The following DNAH14 variants were observed in gnomAD, a reference collection of about 807,000 sequenced individuals.
DNAH14 encodes dynein axonemal heavy chain 14.
DNAH14 carries 478 observed loss-of-function variants against 520.9 expected under a neutral mutation model. The ratio of observed to expected loss-of-function variants is 0.92; its 90% CI spans 0.85 to 0.99. DNAH14 has a LOEUF of 0.99. Among genes scored for constraint, DNAH14 ranks in the 50% least tolerant of loss-of-function variants. The probability of loss-of-function intolerance (pLI) is 0.00; values close to 1 mark genes in which losing one functional copy is unlikely to be tolerated. For synonymous variants in DNAH14, 1,581 were observed against 1,757.2 expected, an observed-to-expected ratio of 0.90 and a Z score of 2.51; for missense variants, 4,831 against 5,234.5, an observed-to-expected ratio of 0.92 and a Z score of 2.38.
intron 4 of DNAH14, among the ~76,000 whole-genome samples, chr1:224,962,374 C>A (rs1366748649): frequency 6.6e-6 from 1 of 152,146 alleles, no homozygotes; most frequent in Non-Finnish European, 1.5e-5. Context: ...ATCAGATATA[C>A]CCTTAAGAGA....
At chr1:225,121,139 AAAT>A (rs2077256297) in intron 26 of DNAH14, among the ~76,000 whole-genome samples, 1 of 152,182 alleles carries the variant, frequency 6.6e-6, no homozygotes, top group South Asian at 2.1e-4. Context: ...TTTAATTGAG[AAAT>A]AATAATTGTA....
intron 41 of DNAH14, among the ~76,000 whole-genome samples, chr1:225,215,046 G>A (rs2089089998): frequency 1.3e-5 from 2 of 152,134 alleles, no homozygotes; most frequent in South Asian, 4.1e-4. Context: ...TGGTCATTTA[G>A]TACTATAAAT....
At chr1:224,969,994 G>T (rs2061411383) in intron 7 of DNAH14, among the ~76,000 whole-genome samples, 1 of 152,142 alleles carries the variant, frequency 6.6e-6, no homozygotes, top group African/African-American at 2.4e-5. Flanking sequence ...AGAAGAACAG[G>T]ATAACAGCAA....
In DNAH14 at chr1:224,974,528, C is replaced by T. The variant is rs140943305; in HGVS notation, c.830+375C>T. On this transcript the variant is annotated intron_variant, in intron 8 of 85. Transcript: ENST00000682510. ...ATTAAACTTTTTATTTTGAGATAAT[C>T]GTGGATTGAGATGCAGTTATAAGAA... Among the ~76,000 whole-genome samples the T allele has an allele frequency of 3.9e-3, 591 of 152,224 alleles. 5 individuals are homozygous for T. Among genetic ancestry groups the T allele is most frequent in the African/African-American group, 0.013 (558 of 41,554 alleles).
intron 81 of DNAH14, among the ~76,000 whole-genome samples, chr1:225,383,514 T>C (rs2095803777): frequency 6.6e-6 from 1 of 152,192 alleles, no homozygotes; most frequent in African/African-American, 2.4e-5. Flanking sequence ...GTTGGTACAC[T>C]GTAAGTACAG....
At chr1:225,336,025 A>G (rs538807306) in intron 66 of DNAH14, among the ~76,000 whole-genome samples, 3 of 124,494 alleles carry the variant, frequency 2.4e-5, no homozygotes, top group Non-Finnish European at 4.9e-5. Context: ...ATATGCATAT[A>G]TGTATATACA....
chr1:225,187,676 C>G (rs61851490), intron 37 of DNAH14, among the ~76,000 whole-genome samples: 3 of 151,850 alleles, frequency 2.0e-5, no homozygotes, highest in Non-Finnish European at 2.9e-5. Context: ...CTAGCGGATG[C>G]GAAATACTAT....
intron 75 of DNAH14, among the ~76,000 whole-genome samples, chr1:225,361,378 A>C (rs532574950): frequency 1.3e-4 from 20 of 152,228 alleles, no homozygotes. Context: ...CTCATGCAGA[A>C]ATTTTTATAC....
rs2094799664 is a variant in DNAH14 at position 225,331,591 on chromosome 1, T to C, written c.9864+14T>C. 6.4e-7 allele frequency: 1 copy of C among 1,551,242 alleles called. No homozygotes were observed. Among genetic ancestry groups the C allele is most frequent in the African/African-American group, 1.4e-5 (1 of 73,154 alleles). ...GAAGATGAGAAGGCATGACTTACTT[T>C]GGTCTTATATCTCGTCCATAATTCC... On this transcript the variant is annotated intron_variant, in intron 65 of 85. Coordinates refer to ENST00000682510, the MANE Select transcript of DNAH14 (RefSeq NM_001367479.1).
chr1:225,374,238 A>G (rs1315572112), intron 77 of DNAH14, among the ~76,000 whole-genome samples: 3 of 60,824 alleles, frequency 4.9e-5, no homozygotes, highest in East Asian at 5.2e-4. Context: ...TATATAATAT[A>G]TATATTTGTC....
intron 1 of DNAH14, among the ~76,000 whole-genome samples, chr1:224,938,623 A>G (rs1022359512): frequency 6.6e-6 from 1 of 152,206 alleles, no homozygotes; most frequent in African/African-American, 2.4e-5. Context: ...ACTATGGAGA[A>G]CAATATGGAG....
intron 41 of DNAH14, among the ~76,000 whole-genome samples, chr1:225,208,438 C>T (rs953135358): frequency 6.6e-6 from 1 of 152,040 alleles, no homozygotes; most frequent in Admixed American, 6.6e-5. Context: ...TCTCAGAATG[C>T]ATCAGGAAGA....
chr1:225,382,200 A>C (rs980894481), intron 81 of DNAH14, among the ~76,000 whole-genome samples: 12 of 152,190 alleles, frequency 7.9e-5, no homozygotes, highest in African/African-American at 2.7e-4. Flanking sequence ...TCAAAACCAC[A>C]ATGAGATACA....
intron 17 of DNAH14, among the ~76,000 whole-genome samples, chr1:225,068,216 A>G (rs1572842049): frequency 6.6e-6 from 1 of 152,110 alleles, no homozygotes; most frequent in South Asian, 2.1e-4. Context: ...TCCTTTCCCC[A>G]TTGCTTGTCT....
At chr1:225,171,746 G>A (rs1379689348) in intron 36 of DNAH14, among the ~76,000 whole-genome samples, 1 of 152,168 alleles carries the variant, frequency 6.6e-6, no homozygotes, top group Non-Finnish European at 1.5e-5. Context: ...TAGAAAAAGA[G>A]GGAATCCTCC....
chr1:224,958,652 A>T (rs1393726097), intron 3 of DNAH14, among the ~76,000 whole-genome samples: 1 of 152,134 alleles, frequency 6.6e-6, no homozygotes, highest in Non-Finnish European at 1.5e-5. Flanking sequence ...GATGGAGGGC[A>T]AGTGATGACA....
intron 23 of DNAH14, among the ~76,000 whole-genome samples, chr1:225,116,350 G>A (rs1407021271): frequency 6.6e-6 from 1 of 152,128 alleles, no homozygotes; most frequent in African/African-American, 2.4e-5. Context: ...TGGATTGGGG[G>A]CAATGAGAAT....
intron 8 of DNAH14, among the ~76,000 whole-genome samples, chr1:224,998,298 A>G (rs2063526645): frequency 1.3e-5 from 2 of 151,854 alleles, no homozygotes. Context: ...CTCCTATCAT[A>G]ATTTCTTTCC....
chr1:225,007,383 A>G, intron 9 of DNAH14, 30 bp from the exon 10 acceptor site: 2 of 1,466,288 alleles, frequency 1.4e-6, no homozygotes, highest in South Asian at 2.8e-5. Context: ...TTGACTTTCT[A>G]ACACTGAACA....
Sources: gnomAD v4.1 joint callset for allele counts (sites outside exome capture counted in the v4.1 genomes callset) on GRCh38, gnomAD v4.1.1 for gene constraint, MANE v1.5 for transcripts, NCBI Gene and HGNC (gene_info 2026-07-23, HGNC 2026-07-21) for gene names.